IRAK1BP1: variants seen among roughly 807,000 people sequenced by gnomAD.
IRAK1BP1 encodes the protein interleukin-1 receptor-associated kinase 1-binding protein 1.
Under a neutral mutation model 28.0 loss-of-function variants are expected in IRAK1BP1, and 24 were observed. The observed-to-expected ratio is 0.86, with a 90% CI of 0.62 to 1.20. IRAK1BP1 has a LOEUF of 1.20. Among genes scored for constraint, IRAK1BP1 ranks in the 50% most tolerant of loss-of-function variants. The pLI, the probability that IRAK1BP1 is intolerant of heterozygous loss-of-function variation, is 0.00. For synonymous variants in IRAK1BP1, 131 were observed against 116.3 expected, an observed-to-expected ratio of 1.13 and a Z score of -0.81; for missense variants, 336 against 316.7, an observed-to-expected ratio of 1.06 and a Z score of -0.46.
At chr6:78,949,488 G>A (rs148960251), downstream of IRAK1BP1, among the ~76,000 whole-genome samples, 96 of 151,858 alleles carry the variant, frequency 6.3e-4, 1 homozygote, top group South Asian at 7.9e-3. Context: ...TGTGCCCCAG[G>A]GCCCACTGGA....
chr6:78,972,252 C>G, the IRAK1BP1 span, among the ~76,000 whole-genome samples: 134 of 139,074 alleles, frequency 9.6e-4, no homozygotes, highest in South Asian at 1.8e-3. Flanking sequence ...TGGGAGGCAC[C>G]CTCCAGCAGG....
downstream of IRAK1BP1, among the ~76,000 whole-genome samples, chr6:78,951,229 T>C (rs903531430): frequency 6.6e-6 from 1 of 152,202 alleles, no homozygotes; most frequent in Non-Finnish European, 1.5e-5. Flanking sequence ...TTTTGGTTAA[T>C]GTAAATTTTA....
At chr6:78,904,017 A>T (rs1025915336), downstream of IRAK1BP1, among the ~76,000 whole-genome samples, 8 of 152,200 alleles carry the variant, frequency 5.3e-5, no homozygotes, top group African/African-American at 1.9e-4. Flanking sequence ...ATAAAAGGCT[A>T]AGGAGGAAAA....
chr6:78,963,384 T>TA, the IRAK1BP1 span: 1 of 599,618 alleles, frequency 1.7e-6, no homozygotes, highest in South Asian at 2.9e-5. Flanking sequence ...CTCTTTATTT[T>TA]AACAAAGGAA....
At chr6:78,892,013 T>G (rs1208741298) in intron 2 of IRAK1BP1, among the ~76,000 whole-genome samples, 2 of 152,190 alleles carry the variant, frequency 1.3e-5, no homozygotes, top group Non-Finnish European at 2.9e-5. Flanking sequence ...AGACATCTGA[T>G]CAATAGAGAA....
At chr6:78,924,142 A>G (rs909023020) in intron 4 of IRAK1BP1, among the ~76,000 whole-genome samples, 2 of 152,202 alleles carry the variant, frequency 1.3e-5, no homozygotes, top group Admixed American at 1.3e-4. Context: ...TGGTTTTTTG[A>G]AAAGATCAAC....
the IRAK1BP1 span, chr6:78,965,812 C>T: frequency 1.4e-5 from 17 of 1,223,274 alleles, no homozygotes; most frequent in East Asian, 4.0e-4. Flanking sequence ...ATTATTGTAT[C>T]ACAATTTTAA....
downstream of IRAK1BP1, among the ~76,000 whole-genome samples, chr6:78,904,877 C>T (rs998208340): frequency 7.3e-5 from 11 of 151,258 alleles, no homozygotes; most frequent in East Asian, 1.5e-3. Flanking sequence ...TAGCTCAATA[C>T]GTACAAAGTA....
chr6:78,921,137 C>A (rs994411869), intron 4 of IRAK1BP1, among the ~76,000 whole-genome samples: 5 of 152,150 alleles, frequency 3.3e-5, no homozygotes, highest in Non-Finnish European at 5.9e-5. Flanking sequence ...ATTGCCTCAC[C>A]CAGGAAGTGC....
intron 4 of IRAK1BP1, chr6:78,936,816 A>G (rs568745279): frequency 4.1e-4 from 63 of 151,962 alleles, no homozygotes; most frequent in Non-Finnish European, 7.2e-4. Flanking sequence ...CATTTGGAGC[A>G]AACTTTGCTC....
chr6:78,910,231 T>C (rs1437420189), intron 4 of IRAK1BP1, among the ~76,000 whole-genome samples: 1 of 152,074 alleles, frequency 6.6e-6, no homozygotes, highest in African/African-American at 2.4e-5. Context: ...CACGGCAGGA[T>C]GGCCTAGGGA....
chr6:78,965,905 C>G, the IRAK1BP1 span: 1 of 1,456,126 alleles, frequency 6.9e-7, no homozygotes, highest in East Asian at 2.3e-5. Flanking sequence ...AAATTCAAAG[C>G]AAGCCTAGGT....
At chr6:78,978,866 C>T in the IRAK1BP1 span, among the ~76,000 whole-genome samples, 260 of 152,060 alleles carry the variant, frequency 1.7e-3, 1 homozygote, top group Non-Finnish European at 3.2e-3. Context: ...TCCATGGGTT[C>T]CACATCCATG....
At chr6:78,949,302 T>C (rs909218642), downstream of IRAK1BP1, among the ~76,000 whole-genome samples, 6 of 152,170 alleles carry the variant, frequency 3.9e-5, no homozygotes, top group South Asian at 2.1e-4. Flanking sequence ...TGGGAAAAGA[T>C]TGCCCCTTCC....
At chr6:78,971,515 C>T in the IRAK1BP1 span, among the ~76,000 whole-genome samples, 3 of 152,018 alleles carry the variant, frequency 2.0e-5, no homozygotes, top group African/African-American at 4.8e-5. Flanking sequence ...ACCATTATTG[C>T]GGGGAGGGGC....
chr6:78,905,803 A>G (rs559987708), downstream of IRAK1BP1, among the ~76,000 whole-genome samples: 13 of 152,172 alleles, frequency 8.5e-5, 1 homozygote, highest in South Asian at 2.7e-3. Context: ...GGGTTTCACC[A>G]TGTTAGCCAG....
At chr6:78,976,219 C>T in the IRAK1BP1 span, among the ~76,000 whole-genome samples, 184 of 148,330 alleles carry the variant, frequency 1.2e-3, no homozygotes, top group African/African-American at 4.3e-3. Flanking sequence ...GAAATAACGC[C>T]GCATATCTAC....
the IRAK1BP1 span, among the ~76,000 whole-genome samples, chr6:78,975,502 T>A: frequency 5.3e-5 from 8 of 152,138 alleles, no homozygotes; most frequent in Admixed American, 2.0e-4. Flanking sequence ...CTATTCAACA[T>A]AGTGATGGAA....
In IRAK1BP1 at chr6:78,867,761, C is replaced by G; in HGVS notation, c.185C>G (p.Ser62Cys). Reference sequence around the variant, plus strand: ...CAAGTAAGCGGCACCTCAGAAGTGTCTGCGGGCCCTGACCGGGCGCAGGTG... The same window carrying G: ...CAAGTAAGCGGCACCTCAGAAGTGTGTGCGGGCCCTGACCGGGCGCAGGTG... The part of the protein sequence containing the change: ...EVQVSGTSEV[S>C]AGPDRAQVVV... The change falls in exon 1 of 4, where the codon TCT becomes TGT. Residue 62 changes from serine (S) to cysteine (C), a missense_variant. By Grantham distance (112) the Ser-to-Cys change is moderately radical. Coordinates refer to ENST00000369940, the MANE Select transcript of IRAK1BP1 (RefSeq NM_001010844.4). 1 of 1,614,176 alleles carries G rather than the reference C, an allele frequency of 6.2e-7. No homozygotes were observed. The highest frequency in any genetic ancestry group is 8.5e-7 in the Non-Finnish European group (1 of 1,180,018).
Sources: allele counts gnomAD v4.1 joint callset (sites outside exome capture counted in the v4.1 genomes callset), GRCh38; gene constraint gnomAD v4.1.1; transcripts MANE v1.5; gene names NCBI Gene and HGNC (gene_info 2026-07-23, HGNC 2026-07-21).